Variants in TRIO observed in about 807,000 individuals in gnomAD.
TRIO encodes trio Rho guanine nucleotide exchange factor.
TRIO carries 58 observed loss-of-function variants against 351.9 expected under a neutral mutation model. The observed-to-expected ratio is 0.16, with a 90% CI of 0.13 to 0.21. TRIO has a LOEUF of 0.21. TRIO is among the 10% of genes least tolerant of loss of function. TRIO has a pLI of 1.00. For missense variants in TRIO, 3,201 were observed against 4,027.8 expected (o/e 0.79, Z 5.56); for synonymous variants, 1,758 against 1,595.7 (o/e 1.10, Z -2.42).
At chr5:14,345,913 A>G (rs777837747) in intron 11 of TRIO, among the ~76,000 whole-genome samples, 9 of 152,244 alleles carry the variant, frequency 5.9e-5, no homozygotes, top group Non-Finnish European at 1.0e-4. Context: ...ACTCAGCTTC[A>G]TAAACTAAAT....
At chr5:14,173,459 G>A (rs1444321155) in intron 1 of TRIO, among the ~76,000 whole-genome samples, 7 of 151,976 alleles carry the variant, frequency 4.6e-5, no homozygotes, top group African/African-American at 1.7e-4. Context: ...TGATCCGCCC[G>A]CCTCAGCTTC....
intron 1 of TRIO, among the ~76,000 whole-genome samples, chr5:14,175,763 T>C (rs1456917099): frequency 2.0e-5 from 3 of 152,266 alleles, no homozygotes; most frequent in Non-Finnish European, 4.4e-5. Context: ...CATAGAATAC[T>C]ATACATGCAT....
chr5:14,264,203 G>T (rs1424419678), intron 1 of TRIO, among the ~76,000 whole-genome samples: 1 of 151,628 alleles, frequency 6.6e-6, no homozygotes, highest in Admixed American at 6.6e-5. Context: ...TGGTCTTTTT[G>T]ATTATTTTGG....
At chr5:14,332,009 G>T (rs1467188328) in intron 10 of TRIO, among the ~76,000 whole-genome samples, 1 of 152,192 alleles carries the variant, frequency 6.6e-6, no homozygotes, top group Non-Finnish European at 1.5e-5. Flanking sequence ...GATTTTAAAA[G>T]TTATGATTAA....
At chr5:14,380,901 T>C (rs919267122) in intron 20 of TRIO, among the ~76,000 whole-genome samples, 2 of 152,244 alleles carry the variant, frequency 1.3e-5, no homozygotes, top group Non-Finnish European at 2.9e-5. Flanking sequence ...CTTTTTATTG[T>C]TGCGACATAA....
chr5:14,358,150 G>A (rs752375851), intron 11 of TRIO, 28 bp from the exon 12 acceptor site: 22 of 1,599,798 alleles, frequency 1.4e-5, no homozygotes, highest in African/African-American at 6.7e-5. Flanking sequence ...CAGGCCGGCC[G>A]GCCTCACCCC....
At chr5:14,414,963 C>G (rs1230724639) in intron 33 of TRIO, among the ~76,000 whole-genome samples, 1 of 152,134 alleles carries the variant, frequency 6.6e-6, no homozygotes, top group Non-Finnish European at 1.5e-5. Context: ...TATAGTTACC[C>G]TTTTTTGTAA....
intron 1 of TRIO, among the ~76,000 whole-genome samples, chr5:14,170,593 A>G (rs1280027554): frequency 1.4e-5 from 2 of 145,390 alleles, no homozygotes; most frequent in Non-Finnish European, 3.0e-5. Context: ...TGCAACGTCC[A>G]CCTCCTGGGT....
At chr5:14,257,661 C>G (rs542135609) in intron 1 of TRIO, among the ~76,000 whole-genome samples, 30 of 152,044 alleles carry the variant, frequency 2.0e-4, no homozygotes, top group Non-Finnish European at 3.2e-4. Flanking sequence ...TTATAGTCCA[C>G]CTGGGAGAAG....
chr5:14,482,859 C>G (rs1002115317), intron 46 of TRIO, 86 bp downstream of exon 46: 2 of 1,231,596 alleles, frequency 1.6e-6, no homozygotes, highest in African/African-American at 3.3e-5. Flanking sequence ...GATGACATAC[C>G]CTGATGCTTC....
chr5:14,233,971 A>ATG (rs949643128), intron 1 of TRIO, among the ~76,000 whole-genome samples: 5 of 151,776 alleles, frequency 3.3e-5, no homozygotes, highest in Non-Finnish European at 7.4e-5. Context: ...AAATTTTTGT[A>ATG]TGTGTGTGTG....
At chr5:14,439,346 G>A (rs2126324101) in intron 34 of TRIO, among the ~76,000 whole-genome samples, 1 of 152,238 alleles carries the variant, frequency 6.6e-6, no homozygotes, top group African/African-American at 2.4e-5. Context: ...CAGTCCCTAG[G>A]GAAATTTCCC....
At chr5:14,155,359 A>T (rs1788044334) in intron 1 of TRIO, among the ~76,000 whole-genome samples, 2 of 152,374 alleles carry the variant, frequency 1.3e-5, no homozygotes, top group South Asian at 4.1e-4. Flanking sequence ...GAGTGAGGAC[A>T]TGCTCTTACA....
chr5:14,469,475 T>C (rs1278517239), intron 37 of TRIO, among the ~76,000 whole-genome samples: 2 of 152,258 alleles, frequency 1.3e-5, no homozygotes, highest in Admixed American at 1.3e-4. Flanking sequence ...GTAGAATATT[T>C]CTGTAGACCT....
intron 34 of TRIO, among the ~76,000 whole-genome samples, chr5:14,434,942 G>A (rs1361686196): frequency 1.3e-5 from 2 of 152,212 alleles, no homozygotes; most frequent in African/African-American, 4.8e-5. Flanking sequence ...AAATAAAGCA[G>A]TGTTTTCTCT....
At chr5:14,256,357 G>C (rs1301144177) in intron 1 of TRIO, among the ~76,000 whole-genome samples, 2 of 152,136 alleles carry the variant, frequency 1.3e-5, no homozygotes, top group African/African-American at 4.8e-5. Flanking sequence ...CAGCATGGGA[G>C]GTCACATTTC....
chr5:14,326,094 G>C (rs374007343), intron 9 of TRIO, among the ~76,000 whole-genome samples: 6 of 152,298 alleles, frequency 3.9e-5, no homozygotes, highest in East Asian at 1.9e-4. Flanking sequence ...GCACACTCAG[G>C]CTTTCCCATA....
chr5:14,326,895 GA>G (rs1477784372), intron 9 of TRIO, among the ~76,000 whole-genome samples: 1 of 152,106 alleles, frequency 6.6e-6, no homozygotes, highest in African/African-American at 2.4e-5. Context: ...GTTTGGTTTT[GA>G]ATATTAGCTG....
intron 4 of TRIO, among the ~76,000 whole-genome samples, chr5:14,288,406 C>A (rs367780201): frequency 6.6e-6 from 1 of 152,128 alleles, no homozygotes; most frequent in Non-Finnish European, 1.5e-5. Context: ...TGGTGGCTCA[C>A]GCCTGTAATC....
Sources: gnomAD v4.1 joint callset for allele counts (sites outside exome capture counted in the v4.1 genomes callset) on GRCh38, gnomAD v4.1.1 for gene constraint, MANE v1.5 for transcripts, NCBI Gene and HGNC (gene_info 2026-07-23, HGNC 2026-07-21) for gene names.